NKAIN2: variants seen among roughly 807,000 people sequenced by gnomAD.
NKAIN2 encodes the protein sodium/potassium-transporting ATPase subunit beta-1-interacting protein 2.
Under a neutral mutation model 32.6 loss-of-function variants are expected in NKAIN2, and 14 were observed. The ratio of observed to expected loss-of-function variants is 0.43; its 90% CI spans 0.28 to 0.67. NKAIN2 has a LOEUF of 0.67. Ranked by LOEUF, NKAIN2 falls within the 30% of genes least tolerant of loss-of-function variation. The pLI is 0.17. For synonymous variants in NKAIN2, 80 were observed against 87.2 expected (o/e 0.92, Z 0.46); for missense variants, 198 against 258.3 (o/e 0.77, Z 1.60).
rs996869574 is a variant in NKAIN2 at position 124,755,493 on chromosome 6, A to G, written c.475-35846A>G. Among the ~76,000 whole-genome samples the G allele has an allele frequency of 3.9e-5, 6 of 152,252 alleles. No individual in the cohort carries two copies. In the East Asian group the frequency reaches 1.2e-3, roughly 29 times the overall value. On this transcript the variant is annotated intron_variant, in intron 4 of 6. Coordinates refer to ENST00000368417, the MANE Select transcript of NKAIN2 (RefSeq NM_001040214.3). Reference sequence around the variant, plus strand: ...CAGTCCAATCAAGTTGACATCTAATATTAACCATCACATGTACCATGGAAT... The same window carrying G: ...CAGTCCAATCAAGTTGACATCTAATGTTAACCATCACATGTACCATGGAAT...
At chr6:124,465,693 T>C (rs911934535) in intron 3 of NKAIN2, among the ~76,000 whole-genome samples, 3 of 151,828 alleles carry the variant, frequency 2.0e-5, no homozygotes, top group African/African-American at 7.3e-5. Flanking sequence ...TATGTAAGAT[T>C]GTGCTATAGA....
chr6:123,818,688 T>C (rs1213606804), intron 1 of NKAIN2, among the ~76,000 whole-genome samples: 1 of 152,184 alleles, frequency 6.6e-6, no homozygotes, highest in African/African-American at 2.4e-5. Context: ...ACAAGACTTC[T>C]TGAAGGTCCT....
intron 3 of NKAIN2, among the ~76,000 whole-genome samples, chr6:124,410,291 G>A (rs1279034747): frequency 6.6e-6 from 1 of 152,082 alleles, no homozygotes; most frequent in African/African-American, 2.4e-5. Flanking sequence ...ATGTTAGGGT[G>A]TCAATTTTAG....
intron 3 of NKAIN2, among the ~76,000 whole-genome samples, chr6:124,415,394 A>G (rs900982936): frequency 5.9e-5 from 9 of 152,224 alleles, no homozygotes; most frequent in African/African-American, 2.2e-4. Flanking sequence ...AGATAAAGAG[A>G]TGGATAAGGC....
intron 1 of NKAIN2, among the ~76,000 whole-genome samples, chr6:123,992,414 G>A (rs1220760203): frequency 6.6e-6 from 1 of 152,050 alleles, no homozygotes; most frequent in Non-Finnish European, 1.5e-5. Context: ...ATACAATAGA[G>A]AATTTTGAAA....
At chr6:124,169,734 A>C (rs991354494) in intron 1 of NKAIN2, among the ~76,000 whole-genome samples, 12 of 151,924 alleles carry the variant, frequency 7.9e-5, no homozygotes, top group African/African-American at 2.9e-4. Context: ...ATCTCCATGC[A>C]CTTAGGATGG....
At chr6:124,152,437 T>C (rs1351644506) in intron 1 of NKAIN2, among the ~76,000 whole-genome samples, 1 of 151,746 alleles carries the variant, frequency 6.6e-6, no homozygotes, top group Admixed American at 6.6e-5. Context: ...GAAATGCAAA[T>C]CAAAACAATA....
intron 1 of NKAIN2, among the ~76,000 whole-genome samples, chr6:123,989,706 A>G (rs1779331929): frequency 6.6e-6 from 1 of 152,206 alleles, no homozygotes; most frequent in Non-Finnish European, 1.5e-5. Flanking sequence ...ACCTAGAGTT[A>G]TATGGTCACA....
intron 1 of NKAIN2, among the ~76,000 whole-genome samples, chr6:124,259,323 G>A (rs1449952427): frequency 6.6e-6 from 1 of 152,112 alleles, no homozygotes; most frequent in Non-Finnish European, 1.5e-5. Context: ...TGAGGATGAG[G>A]GGCCTGGCAT....
intron 3 of NKAIN2, among the ~76,000 whole-genome samples, chr6:124,559,720 A>G (rs1236482465): frequency 6.6e-6 from 1 of 151,724 alleles, no homozygotes; most frequent in Non-Finnish European, 1.5e-5. Flanking sequence ...TGCCACATAG[A>G]GGGGATGCCA....
rs369955625 is a variant in NKAIN2, at chr6:124,046,023, A to G, written c.55-236982A>G. Among the ~76,000 whole-genome samples, 6 of 152,136 alleles carry G rather than the reference A, an allele frequency of 3.9e-5. No homozygotes were observed. In the East Asian group the frequency reaches 7.8e-4, roughly 20 times the overall value. On this transcript the variant is annotated intron_variant, in intron 1 of 6. Coordinates refer to ENST00000368417, the MANE Select transcript of NKAIN2 (RefSeq NM_001040214.3). ...AAATTAACTAATTAGCAGGCATTCT[A>G]ATAATAACTCCCAAGTTCAAAAGAG...
intron 1 of NKAIN2, among the ~76,000 whole-genome samples, chr6:123,882,758 A>T (rs1316490200): frequency 1.3e-5 from 2 of 152,220 alleles, no homozygotes; most frequent in African/African-American, 4.8e-5. Flanking sequence ...GATTTATTCA[A>T]TATTTAATAA....
intron 4 of NKAIN2, among the ~76,000 whole-genome samples, chr6:124,686,482 T>G (rs1292115210): frequency 6.6e-6 from 1 of 151,944 alleles, no homozygotes; most frequent in Admixed American, 6.6e-5. Context: ...TACACACCTT[T>G]AAACAACCAG....
At chr6:124,551,029 TA>T (rs1339916077) in intron 3 of NKAIN2, among the ~76,000 whole-genome samples, 1 of 152,162 alleles carries the variant, frequency 6.6e-6, no homozygotes, top group African/African-American at 2.4e-5. Context: ...GGGTCATAAA[TA>T]TAAAATGTGA....
chr6:124,261,724 G>A (rs1241614719), intron 1 of NKAIN2, among the ~76,000 whole-genome samples: 2 of 152,076 alleles, frequency 1.3e-5, no homozygotes, highest in African/African-American at 2.4e-5. Flanking sequence ...GCAGGGCATT[G>A]TGGCGTGCAC....
intron 3 of NKAIN2, among the ~76,000 whole-genome samples, chr6:124,418,150 T>G (rs1234009196): frequency 6.6e-6 from 1 of 151,134 alleles, no homozygotes; most frequent in Non-Finnish European, 1.5e-5. Flanking sequence ...ACAATGTCCC[T>G]GTGTGGACTG....
chr6:124,654,931 T>A (rs1308777507), intron 3 of NKAIN2, among the ~76,000 whole-genome samples: 1 of 152,128 alleles, frequency 6.6e-6, no homozygotes, highest in African/African-American at 2.4e-5. Flanking sequence ...ATAAGTTTCT[T>A]CTTAAGCCAC....
At chr6:124,244,659 C>A (rs192579811) in intron 1 of NKAIN2, among the ~76,000 whole-genome samples, 2 of 152,164 alleles carry the variant, frequency 1.3e-5, no homozygotes, top group African/African-American at 4.8e-5. Context: ...CAGGAGCATT[C>A]TAACAATTTA....
intron 3 of NKAIN2, among the ~76,000 whole-genome samples, chr6:124,367,538 A>C (rs2114308359): frequency 6.6e-6 from 1 of 152,234 alleles, no homozygotes; most frequent in South Asian, 2.1e-4. Flanking sequence ...TTTAAAACTA[A>C]CCATTATATA....
Sources: allele counts gnomAD v4.1 joint callset (sites outside exome capture counted in the v4.1 genomes callset), GRCh38; gene constraint gnomAD v4.1.1; transcripts MANE v1.5; gene names NCBI Gene and HGNC (gene_info 2026-07-23, HGNC 2026-07-21).